Variants in GLG1 observed in about 807,000 individuals in gnomAD.
GLG1 encodes the protein golgi glycoprotein 1.
In GLG1, 38 loss-of-function variants were observed where a neutral mutation model predicts 160.5. The ratio of observed to expected loss-of-function variants is 0.24; its 90% CI spans 0.18 to 0.31. GLG1 has a LOEUF of 0.31. Ranked by LOEUF, GLG1 falls within the 10% of genes least tolerant of loss-of-function variation. GLG1 has a pLI of 1.00. For missense variants in GLG1, 1,373 were observed against 1,505.2 expected, an observed-to-expected ratio of 0.91 and a Z score of 1.45; for synonymous variants, 644 against 543.4, an observed-to-expected ratio of 1.19 and a Z score of -2.57.
intron 1 of GLG1, among the ~76,000 whole-genome samples, chr16:74,588,610 G>C (rs1255971693): frequency 6.6e-6 from 1 of 151,976 alleles, no homozygotes; most frequent in African/African-American, 2.4e-5. Flanking sequence ...GTAGAGATGA[G>C]GTTTCGCCAT....
At chr16:74,587,264 TC>T (rs1405010691) in intron 1 of GLG1, among the ~76,000 whole-genome samples, 1 of 152,126 alleles carries the variant, frequency 6.6e-6, no homozygotes, top group Non-Finnish European at 1.5e-5. Context: ...GGAAGTGGCT[TC>T]CCGGCTGCAA....
rs572804189 is a variant in GLG1, at chr16:74,468,133, C to A, written c.2437-285G>T. 1.3e-4 allele frequency: 35 copies of A among 265,874 alleles called. No individual in the cohort carries two copies. In the Admixed American group the frequency reaches 1.6e-3, roughly 12 times the overall value. 16.5% of individuals were successfully genotyped at this position (265,874 alleles called of 1,614,324 possible). On this transcript the variant is annotated intron_variant, in intron 17 of 25. Transcript: ENST00000422840. ...TGAAAATCACTTTGGAAAGTCAAAA[C>A]CATTATATAAATGTAGAGTTCTACT...
intron 3 of GLG1, among the ~76,000 whole-genome samples, chr16:74,507,957 C>T (rs182435398): frequency 6.6e-6 from 1 of 151,818 alleles, no homozygotes; most frequent in Admixed American, 6.6e-5. Flanking sequence ...AATTTTTCAA[C>T]GATATGCCTT....
At chr16:74,531,179 A>C (rs975462567) in intron 2 of GLG1, among the ~76,000 whole-genome samples, 2 of 152,070 alleles carry the variant, frequency 1.3e-5, no homozygotes, top group Non-Finnish European at 2.9e-5. Flanking sequence ...AGGTTTTCGT[A>C]AGAGTAAGTA....
At chr16:74,568,598 A>G (rs142658505) in intron 1 of GLG1, among the ~76,000 whole-genome samples, 2,938 of 152,064 alleles carry the variant, frequency 0.019, 45 homozygotes, top group Non-Finnish European at 0.028. Flanking sequence ...TTATGTTTTT[A>G]GTAGAGACGG....
At chr16:74,490,974 A>G (rs2015960514) in intron 8 of GLG1, 27 bp downstream of exon 8, 2 of 1,525,924 alleles carry the variant, frequency 1.3e-6, no homozygotes, top group Non-Finnish European at 1.8e-6. Flanking sequence ...TGTGACATTC[A>G]AAATGGCAAT....
chr16:74,548,033 G>A (rs1024939788), intron 1 of GLG1, among the ~76,000 whole-genome samples: 7 of 152,210 alleles, frequency 4.6e-5, no homozygotes, highest in African/African-American at 9.6e-5. Flanking sequence ...GCATTCAAAC[G>A]ATTCTCCTGC....
At chr16:74,558,393 G>A (rs11864436) in intron 1 of GLG1, among the ~76,000 whole-genome samples, 1,839 of 152,312 alleles carry the variant, frequency 0.012, 34 homozygotes, top group African/African-American at 0.042. Flanking sequence ...GCTCAATTAT[G>A]AATAATGGAT....
At chr16:74,533,718 T>C (rs1234851954) in intron 1 of GLG1, among the ~76,000 whole-genome samples, 3 of 152,120 alleles carry the variant, frequency 2.0e-5, no homozygotes, top group Admixed American at 6.5e-5. Flanking sequence ...GAAACAGAGA[T>C]TGCAGTGATC....
At chr16:74,506,607 C>CAAAAAAAAAG (rs1567489940) in intron 3 of GLG1, among the ~76,000 whole-genome samples, 2 of 126,772 alleles carry the variant, frequency 1.6e-5, no homozygotes, top group Admixed American at 1.9e-4. Flanking sequence ...AAAAAAAACT[C>CAAAAAAAAAG]AAGAGAAACC....
intron 2 of GLG1, among the ~76,000 whole-genome samples, chr16:74,531,885 T>C (rs1175346485): frequency 6.6e-6 from 1 of 152,182 alleles, no homozygotes; most frequent in African/African-American, 2.4e-5. Context: ...TATTTTCACA[T>C]GGTAGCTGTA....
chr16:74,493,750 T>A (rs370489804), intron 6 of GLG1, among the ~76,000 whole-genome samples: 1 of 152,232 alleles, frequency 6.6e-6, no homozygotes, highest in African/African-American at 2.4e-5. Context: ...CTTAATGATA[T>A]AGCTGCTGAA....
chr16:74,591,384 T>A (rs187879785), intron 1 of GLG1, among the ~76,000 whole-genome samples: 205 of 150,332 alleles, frequency 1.4e-3, no homozygotes, highest in Middle Eastern at 3.5e-3. Context: ...ATCCCAGCAC[T>A]TTGGGAGGCT....
At chr16:74,605,428 T>A (rs1298645009) in intron 1 of GLG1, among the ~76,000 whole-genome samples, 1 of 152,172 alleles carries the variant, frequency 6.6e-6, no homozygotes, top group Non-Finnish European at 1.5e-5. Flanking sequence ...ACATCTATTA[T>A]GTGTCCTCAA....
chr16:74,456,776 T>G lies in GLG1; in HGVS notation c.3266-21A>C, dbSNP rs201157517. 2,793 of 1,389,004 alleles carry G rather than the reference T, an allele frequency of 2.0e-3. 53 individuals are homozygous for G. In the South Asian group the frequency reaches 0.021, roughly 10 times the overall value. The allele number at this position is 1,389,004 out of a possible 1,614,324, so 86.0% of individuals were successfully genotyped here. A position where few individuals can be genotyped will look rare whatever the true frequency, so the allele number is the denominator to read the frequency against. ...CATTTCTGTGGGAGGAAATGAATAA[T>G]AAGAAGAACCTGAAACTGTACAGAA... On this transcript the variant is annotated intron_variant, in intron 24 of 25. Coordinates refer to ENST00000422840, the MANE Select transcript of GLG1 (RefSeq NM_001145667.2).
intron 1 of GLG1, among the ~76,000 whole-genome samples, chr16:74,545,096 A>G (rs2018010662): frequency 6.6e-6 from 1 of 152,256 alleles, no homozygotes; most frequent in Non-Finnish European, 1.5e-5. Flanking sequence ...ACATTAGGAT[A>G]AACTAGAAAA....
At chr16:74,494,408 T>A (rs1443260172) in intron 6 of GLG1, among the ~76,000 whole-genome samples, 1 of 139,846 alleles carries the variant, frequency 7.2e-6, no homozygotes, top group South Asian at 2.4e-4. Context: ...GAAAGCTTTT[T>A]TTTTTTTTTT....
chr16:74,495,106 C>CTTTTTTTT (rs5817913), intron 5 of GLG1, among the ~76,000 whole-genome samples: 1 of 83,224 alleles, frequency 1.2e-5, no homozygotes, highest in South Asian at 4.8e-4. Context: ...GAGTCTGAGT[C>CTTTTTTTT]TTTTTTTTTT....
intron 1 of GLG1, among the ~76,000 whole-genome samples, chr16:74,545,068 G>A (rs1404004673): frequency 1.3e-5 from 2 of 152,176 alleles, no homozygotes; most frequent in Non-Finnish European, 2.9e-5. Context: ...GGCAACTTCG[G>A]TTTAAATTAC....
Sources: gnomAD v4.1 joint callset for allele counts (sites outside exome capture counted in the v4.1 genomes callset) on GRCh38, gnomAD v4.1.1 for gene constraint, MANE v1.5 for transcripts, NCBI Gene and HGNC (gene_info 2026-07-23, HGNC 2026-07-21) for gene names.